The following CLEC4F variants were observed in gnomAD, a reference collection of about 807,000 sequenced individuals.
CLEC4F encodes C-type lectin domain family 4 member F.
CLEC4F carries 45 observed loss-of-function variants against 53.4 expected under a neutral mutation model. That is an observed-to-expected ratio of 0.84 (90% CI 0.66 to 1.08). CLEC4F has a LOEUF of 1.08. Ranked by LOEUF, CLEC4F falls within the 50% of genes least tolerant of loss-of-function variation. The pLI is 0.00. For missense variants in CLEC4F, 753 were observed against 698.2 expected (o/e 1.08, Z -0.88); for synonymous variants, 245 against 257.5 (o/e 0.95, Z 0.46).
chr2:70,820,974 C>T (rs569179327), upstream of CLEC4F, among the ~76,000 whole-genome samples: 31 of 152,266 alleles, frequency 2.0e-4, no homozygotes, highest in South Asian at 5.0e-3. Flanking sequence ...CAGGTCAGTG[C>T]GGCCGATATT....
At chr2:70,822,367 A>C (rs1553398201), upstream of CLEC4F, among the ~76,000 whole-genome samples, 1 of 152,202 alleles carries the variant, frequency 6.6e-6, no homozygotes, top group African/African-American at 2.4e-5. Flanking sequence ...CTAACTCCAA[A>C]GAATCTGATG....
chr2:70,817,244 A>C, intron 3 of CLEC4F, 132 bp from the exon 4 acceptor site: 1 of 942,124 alleles, frequency 1.1e-6, no homozygotes, highest in East Asian at 2.7e-5. Context: ...TCCCCCAAGC[A>C]CCCTCCTGGT....
rs1439170854 is a variant in CLEC4F at position 70,816,459 on chromosome 2, T to C, written c.922A>G (p.Ser308Gly). 1.2e-6 allele frequency: 2 copies of C among 1,614,208 alleles called. No individual in the cohort carries two copies. Among genetic ancestry groups the C allele is most frequent in the Admixed American group, 3.3e-5 (2 of 60,028 alleles). ...LNSQTQAFIK[S>G]SFDNTSAEIQ... ...TCAGCACTAGTGTTGTCAAAACTGC[T>C]TTTTATAAAGGCCTGGGTCTGGGAG... Residue 308 changes from serine (S) to glycine (G), a missense_variant, in exon 4 of 7, where the codon AGC becomes GGC. By Grantham distance (56) the Ser-to-Gly change is moderately conservative. Coordinates refer to ENST00000272367, the MANE Select transcript of CLEC4F (RefSeq NM_173535.3).
At chr2:70,810,891 C>G (rs547292450) in intron 5 of CLEC4F, 1 of 549,902 alleles carries the variant, frequency 1.8e-6, no homozygotes, top group African/African-American at 1.9e-5. Flanking sequence ...TATATTTCAT[C>G]ACAAATTTAA....
intron 4 of CLEC4F, among the ~76,000 whole-genome samples, chr2:70,813,515 C>T (rs146068954): frequency 4.0e-3 from 32 of 8,062 alleles, no homozygotes; most frequent in Non-Finnish European, 0.01. Flanking sequence ...TCTTTCTTTT[C>T]TTTCTTTCTT....
At chr2:70,821,412 C>T (rs1053302088), upstream of CLEC4F, among the ~76,000 whole-genome samples, 3 of 152,086 alleles carry the variant, frequency 2.0e-5, no homozygotes, top group Non-Finnish European at 2.9e-5. Flanking sequence ...TTTCAGCCAC[C>T]CACTCCCATT....
At chr2:70,818,529 G>A (rs1677052035) in intron 3 of CLEC4F, among the ~76,000 whole-genome samples, 1 of 151,978 alleles carries the variant, frequency 6.6e-6, no homozygotes, top group Admixed American at 6.6e-5. Flanking sequence ...GGCTAACACG[G>A]TGAAACTCCG....
chr2:70,818,684 C>T (rs1677061532), intron 3 of CLEC4F, among the ~76,000 whole-genome samples: 1 of 151,946 alleles, frequency 6.6e-6, no homozygotes, highest in South Asian at 2.1e-4. Flanking sequence ...GCACTCCAGC[C>T]TGGGTGACAG....
In CLEC4F at chr2:70,816,049, G is replaced by A; in HGVS notation, c.1332C>T (p.Arg444=). 6.2e-7 allele frequency: 1 copy of A among 1,614,188 alleles called. No individual in the cohort carries two copies. Among genetic ancestry groups the A allele is most frequent in the Non-Finnish European group, 8.5e-7 (1 of 1,180,042 alleles). ...TAATGACCACATGGAGGGTCTTCAG[G>A]CGACTCTGCTCCTGCTGGATTTCCA... ...LTMEIQQEQS[R]LKTLHVVITS... is the part of the protein sequence containing the mutation. Residue 444 remains arginine (R), a synonymous_variant, in exon 4 of 7, where the codon CGC becomes CGT. Transcript: ENST00000272367.
intron 4 of CLEC4F, among the ~76,000 whole-genome samples, chr2:70,815,041 G>A (rs72835795): frequency 0.019 from 2,876 of 152,168 alleles, 36 homozygotes; most frequent in Middle Eastern, 0.027. Flanking sequence ...ACCAGGAACC[G>A]GGCAAAGCAG....
In CLEC4F at chr2:70,816,043, C is replaced by G; in HGVS notation, c.1338G>C (p.Lys446Asn). 6.2e-7 allele frequency: 1 copy of G among 1,614,212 alleles called. No individual in the cohort carries two copies. The highest frequency in any genetic ancestry group is 8.5e-7 in the Non-Finnish European group (1 of 1,180,040). The stretch of plus-strand genomic sequence containing the variant: ...GTGAAGTAATGACCACATGGAGGGT[C>G]TTCAGGCGACTCTGCTCCTGCTGGA... ...MEIQQEQSRLKTLHVVITSQE... is the reference protein window; with the variant it reads ...MEIQQEQSRLNTLHVVITSQE... Residue 446 changes from lysine (K) to asparagine (N), a missense_variant, in exon 4 of 7, where the codon AAG (lysine) becomes AAC (asparagine). Lys to Asn is a moderately conservative substitution (Grantham distance 94). Coordinates refer to ENST00000272367, the MANE Select transcript of CLEC4F (RefSeq NM_173535.3).
In CLEC4F at chr2:70,816,398, C is replaced by G; in HGVS notation, c.983G>C (p.Gly328Ala). The G allele has an allele frequency of 6.2e-7, 1 of 1,613,824 alleles. No homozygotes were observed. Among genetic ancestry groups the G allele is most frequent in the African/African-American group, 1.3e-5 (1 of 75,012 alleles). ...CCTTTTTAACACGTGAATTTCATCA[C>G]CAGCTCTTTCCAAATGACCTCTTAA... ...QFLRGHLERA[G>A]DEIHVLKRDL... The change falls in exon 4 of 7, where the codon GGT (glycine) becomes GCT (alanine). Residue 328 changes from glycine to alanine, a missense_variant. Gly to Ala is a moderately conservative substitution (Grantham distance 60). Coordinates refer to ENST00000272367, the MANE Select transcript of CLEC4F (RefSeq NM_173535.3).
At chr2:70,821,636 T>G (rs10198090), upstream of CLEC4F, among the ~76,000 whole-genome samples, 142,025 of 152,272 alleles carry the variant, frequency 0.93, 66,463 homozygotes, top group Non-Finnish European at 0.97. Flanking sequence ...TCCTTTACAA[T>G]AAAAGAATAG....
chr2:70,809,185 A>G lies in CLEC4F; in HGVS notation c.*86T>C. On this transcript the variant is annotated 3_prime_UTR_variant, in exon 7 of 7. Transcript: ENST00000272367. Reference sequence around the variant, plus strand: ...GATGAGTCTAGGGAGCTGACTTGAGATGGGTCCTTCATCCCCTAGTGGCCC... The same window carrying G: ...GATGAGTCTAGGGAGCTGACTTGAGGTGGGTCCTTCATCCCCTAGTGGCCC... 6.4e-7 allele frequency: 1 copy of G among 1,565,408 alleles called. No homozygotes were observed. Among genetic ancestry groups the G allele is most frequent in the Non-Finnish European group, 8.7e-7 (1 of 1,154,208 alleles).
upstream of CLEC4F, among the ~76,000 whole-genome samples, chr2:70,823,185 C>A (rs1395008825): frequency 3.3e-5 from 5 of 152,044 alleles, no homozygotes; most frequent in Admixed American, 6.6e-5. Flanking sequence ...GAGTGCAGAG[C>A]CACCATTTGC....
chr2:70,820,820 C>T (rs1031800433), upstream of CLEC4F, among the ~76,000 whole-genome samples: 2 of 152,196 alleles, frequency 1.3e-5, no homozygotes, highest in African/African-American at 2.4e-5. Flanking sequence ...TAACCCCAAA[C>T]ACACCTCTTC....
intron 4 of CLEC4F, among the ~76,000 whole-genome samples, chr2:70,815,423 A>C (rs1375684061): frequency 2.0e-5 from 3 of 151,744 alleles, no homozygotes; most frequent in African/African-American, 7.3e-5. Flanking sequence ...ACCTGTCTGT[A>C]TGTCTTTCAT....
Position 70,819,849 on chromosome 2 carries a change from G to T in CLEC4F, c.104C>A (p.Pro35Gln), listed in dbSNP as rs1408823470. Reference protein sequence around the residue: ...VAMAPAAPKIPRLVQATPAFM... With the variant: ...VAMAPAAPKIQRLVQATPAFM... ...TGCCGGGGTAGCCTGAACGAGCCTC[G>T]GTATCTTGGGGGCTGCAGGAGCCAT... The change falls in exon 2 of 7, where the codon CCG becomes CAG. Residue 35 changes from proline (P) to glutamine (Q), a missense_variant. Physicochemically the swap from Pro to Gln is moderately conservative, Grantham distance 76 (BLOSUM62 -1). Transcript: ENST00000272367. 6.2e-7 allele frequency: 1 copy of T among 1,607,398 alleles called. No individual in the cohort carries two copies. Among genetic ancestry groups the T allele is most frequent in the East Asian group, 2.2e-5 (1 of 44,826 alleles).
At position 70,812,477 on chromosome 2, in the gene CLEC4F, A is replaced by G. The variant is rs782102918; in HGVS notation, c.1509T>C (p.His503=). 9 of 1,614,048 alleles carry G rather than the reference A, an allele frequency of 5.6e-6. 1 individual carries two copies. In the South Asian group the frequency reaches 9.9e-5, roughly 18 times the overall value. Residue 503 remains histidine, a synonymous_variant, in exon 5 of 7, where the codon CAT becomes CAC. Coordinates refer to ENST00000272367, the MANE Select transcript of CLEC4F (RefSeq NM_173535.3). ...AEQFCVSQGA[H]LASVASKEEQ... ...CCTCCTTGGAGGCCACAGATGCCAG[A>G]TGGGCTCCCTGGGACACGCAGAACT... is the stretch of plus-strand genomic sequence containing the variant.
Sources: allele counts gnomAD v4.1 joint callset (sites outside exome capture counted in the v4.1 genomes callset), GRCh38; gene constraint gnomAD v4.1.1; transcripts MANE v1.5; gene names NCBI Gene and HGNC (gene_info 2026-07-23, HGNC 2026-07-21).